Variants in NUP133 observed in about 807,000 individuals in gnomAD.
NUP133 encodes nucleoporin 133.
Under a neutral mutation model 146.2 loss-of-function variants are expected in NUP133, and 66 were observed. That is an observed-to-expected ratio of 0.45 (90% CI 0.37 to 0.55). NUP133 has a LOEUF of 0.55. Among genes scored for constraint, NUP133 ranks in the 20% least tolerant of loss-of-function variants. The pLI is 0.00. For missense variants in NUP133, 1,277 were observed against 1,374.8 expected, an observed-to-expected ratio of 0.93 and a Z score of 1.12; for synonymous variants, 521 against 498.8, an observed-to-expected ratio of 1.04 and a Z score of -0.59.
At chr1:229,477,209 G>A (rs1661098214) in intron 13 of NUP133, among the ~76,000 whole-genome samples, 1 of 152,092 alleles carries the variant, frequency 6.6e-6, no homozygotes, top group African/African-American at 2.4e-5. Context: ...GGAGGCCGAG[G>A]TGGGTGGATC....
chr1:229,483,683 C>T lies in NUP133; in HGVS notation c.1592+371G>A, dbSNP rs1309124. Among the ~76,000 whole-genome samples the T allele has an allele frequency of 4.1e-3, 490 of 119,222 alleles. 4 individuals are homozygous for T. Among genetic ancestry groups the T allele is most frequent in the African/African-American group, 0.015 (451 of 30,052 alleles). The allele number at this position is 119,222 out of a possible 152,430, so 78.2% of individuals were successfully genotyped here. A position where few individuals can be genotyped will look rare whatever the true frequency, so the allele number is the denominator to read the frequency against. On this transcript the variant is annotated intron_variant, in intron 12 of 25. Coordinates refer to ENST00000261396, the MANE Select transcript of NUP133 (RefSeq NM_018230.3). ...TCGCGCCACTGCACTCTAGCCTGGG[C>T]GACGGAGTGTCTCAAAAAAAAAAAA...
chr1:229,506,677 C>T (rs534436008), intron 1 of NUP133, among the ~76,000 whole-genome samples: 195 of 151,800 alleles, frequency 1.3e-3, no homozygotes, highest in African/African-American at 4.6e-3. Context: ...GAGGCCGAAG[C>T]GGGAAGACTG....
chr1:229,465,453 G>A lies in NUP133; in HGVS notation c.2266C>T (p.Leu756=), dbSNP rs771202365. Residue 756 remains leucine, a synonymous_variant, in exon 17 of 26, where the codon CTA becomes TTA. Coordinates refer to ENST00000261396, the MANE Select transcript of NUP133 (RefSeq NM_018230.3). ...GGAACATATTCAGGTTCTTTTTCTA[G>A]TGATTCTTCTCTTCTATACAAAGAG... ...RNSLYRREES[L]EKEPEYVPWT... 18 of 1,613,150 alleles carry A rather than the reference G, an allele frequency of 1.1e-5. No homozygotes were observed. Among genetic ancestry groups the A allele is most frequent in the Non-Finnish European group, 1.3e-5 (15 of 1,179,322 alleles).
In NUP133 at chr1:229,486,824, C is replaced by T. The variant is rs909546337; in HGVS notation, c.1343-296G>A. 2.0e-5 allele frequency among the ~76,000 whole-genome samples: 3 copies of T among 150,410 alleles called. No individual in the cohort carries two copies. The Admixed American group carries it at 2.0e-4, about 10-fold the overall frequency. On this transcript the variant is annotated intron_variant, in intron 10 of 25. Transcript: ENST00000261396. The stretch of plus-strand genomic sequence containing the variant: ...AAAGAAAATTATTCCTTCTGCAAAA[C>T]TCAGAAGAAGAGCTTTTTCAATCCT...
chr1:229,463,802 C>A, intron 18 of NUP133, 126 bp from the exon 19 acceptor site: 1 of 1,041,438 alleles, frequency 9.6e-7, no homozygotes, highest in Non-Finnish European at 1.3e-6. Context: ...GGAATGGAAA[C>A]CTTCCCACTT....
chr1:229,443,947 C>T (rs942726108), intron 25 of NUP133, among the ~76,000 whole-genome samples: 1 of 142,758 alleles, frequency 7.0e-6, no homozygotes, highest in African/African-American at 2.7e-5. Context: ...CCCTATGTTG[C>T]TCCAGCTGGT....
chr1:229,447,993 AAG>A (rs1660350712), intron 24 of NUP133, among the ~76,000 whole-genome samples: 1 of 152,198 alleles, frequency 6.6e-6, no homozygotes, highest in African/African-American at 2.4e-5. Flanking sequence ...CGCCAAAACC[AAG>A]AGAGTGGTCT....
chr1:229,464,957 G>A, intron 17 of NUP133, 82 bp from the exon 18 acceptor site: 2 of 1,517,050 alleles, frequency 1.3e-6, no homozygotes, highest in Non-Finnish European at 9.0e-7. Context: ...TAAAAATTAT[G>A]CCTCTTCATC....
At chr1:229,488,689 A>C (rs1661424195) in intron 9 of NUP133, among the ~76,000 whole-genome samples, 1 of 152,148 alleles carries the variant, frequency 6.6e-6, no homozygotes, top group Non-Finnish European at 1.5e-5. Flanking sequence ...AAAAAAAAAA[A>C]AAAGTAAGAA....
chr1:229,460,181 A>G (rs888787612), intron 20 of NUP133, among the ~76,000 whole-genome samples: 1 of 152,142 alleles, frequency 6.6e-6, no homozygotes, highest in Admixed American at 6.5e-5. Flanking sequence ...ATGTCTATTC[A>G]GGTCTTTTGC....
intron 14 of NUP133, among the ~76,000 whole-genome samples, chr1:229,474,145 C>A (rs1427734357): frequency 6.6e-6 from 1 of 152,206 alleles, no homozygotes; most frequent in Non-Finnish European, 1.5e-5. Flanking sequence ...ACCACATAGC[C>A]TCTGTTGACA....
intron 23 of NUP133, among the ~76,000 whole-genome samples, chr1:229,450,187 C>T (rs564291041): frequency 5.3e-5 from 8 of 152,078 alleles, no homozygotes; most frequent in Non-Finnish European, 1.2e-4. Context: ...TGAGCCACTG[C>T]ACCCAGCCAG....
chr1:229,489,965 G>A lies in NUP133; in HGVS notation c.1184C>T (p.Pro395Leu), dbSNP rs77306670. Residue 395 changes from proline to leucine, a missense_variant, in exon 9 of 26, where the codon CCA becomes CTA. Physicochemically the swap from Pro to Leu is moderately conservative, Grantham distance 98. Coordinates refer to ENST00000261396, the MANE Select transcript of NUP133 (RefSeq NM_018230.3). ...CAATATAAATCTTACCTGAAAAGGT[G>A]GATTATATTGAGTGACTTCTACAGT... ...AVTVEVTQYN[P>L]PFQSEDLILC... 3 of 1,593,720 alleles carry A rather than the reference G, an allele frequency of 1.9e-6. No individual in the cohort carries two copies. The highest frequency in any genetic ancestry group is 1.7e-6 in the Non-Finnish European group (2 of 1,170,260).
Position 229,487,713 on chromosome 1 carries a change from T to C in NUP133, c.1195-100A>G, listed in dbSNP as rs891741520. ...TTGTACATTATTTCATAAAAATATT[T>C]CACCAATTCTCTTTGTAAAAATCTG... On this transcript the variant is annotated intron_variant, in intron 9 of 25. Coordinates refer to ENST00000261396, the MANE Select transcript of NUP133 (RefSeq NM_018230.3). The C allele has an allele frequency of 5.5e-6, 5 of 903,912 alleles. No individual in the cohort carries two copies. In the African/African-American group the frequency reaches 6.8e-5, roughly 12 times the overall value. The allele number at this position is 903,912 out of a possible 1,614,324, so 56.0% of individuals were successfully genotyped here.
intron 16 of NUP133, 51 bp from the exon 17 acceptor site, chr1:229,465,570 T>A: frequency 7.6e-7 from 1 of 1,317,582 alleles, no homozygotes; most frequent in Non-Finnish European, 1.1e-6. Flanking sequence ...TGGATCACAG[T>A]ATTTCTGAAG....
Position 229,477,715 on chromosome 1 carries a change from G to A in NUP133, c.1638C>T (p.Ser546=). Residue 546 remains serine (S), a synonymous_variant, in exon 13 of 26, where the codon TCC becomes TCT. Transcript: ENST00000261396. Reference sequence around the variant, plus strand: ...AATCAGAATCCAAATCAGAGTGAGAGGAAAAGAGCTCATCAACCACCATTT... The same window carrying A: ...AATCAGAATCCAAATCAGAGTGAGAAGAAAAGAGCTCATCAACCACCATTT... The part of the protein sequence containing the change: ...HAQMVVDELF[S]SHSDLDSDSE... 1 of 1,613,748 alleles carries A rather than the reference G, an allele frequency of 6.2e-7. No individual in the cohort carries two copies. The highest frequency in any genetic ancestry group is 8.5e-7 in the Non-Finnish European group (1 of 1,179,858).
intron 12 of NUP133, among the ~76,000 whole-genome samples, chr1:229,479,358 T>C (rs529302563): frequency 5.8e-4 from 89 of 152,364 alleles, no homozygotes; most frequent in African/African-American, 2.1e-3. Context: ...TTCAAAGCCG[T>C]GTTGTTCAAA....
intron 25 of NUP133, among the ~76,000 whole-genome samples, chr1:229,442,930 C>A (rs556733225): frequency 1.3e-5 from 2 of 152,114 alleles, no homozygotes; most frequent in Admixed American, 6.5e-5. Context: ...TGGTCTTGAA[C>A]TCCTGACTTC....
intron 9 of NUP133, among the ~76,000 whole-genome samples, chr1:229,488,202 A>G (rs980537056): frequency 1.3e-5 from 2 of 152,184 alleles, no homozygotes; most frequent in Admixed American, 6.6e-5. Flanking sequence ...GATGATGACT[A>G]TAACTAGAAG....
Sources: allele counts gnomAD v4.1 joint callset (sites outside exome capture counted in the v4.1 genomes callset), GRCh38; gene constraint gnomAD v4.1.1; transcripts MANE v1.5; gene names NCBI Gene and HGNC (gene_info 2026-07-23, HGNC 2026-07-21).